IDO2: variants seen among roughly 807,000 people sequenced by gnomAD.
IDO2 encodes indoleamine 2,3-dioxygenase-like 1 protein.
IDO2 carries 46 observed loss-of-function variants against 45.1 expected under a neutral mutation model. That is an observed-to-expected ratio of 1.02 (90% confidence interval 0.80 to 1.30). The LOEUF (loss-of-function observed/expected upper bound fraction) is 1.30, where lower values mean the gene tolerates loss of function less well. IDO2 is among the 50% of genes most tolerant of loss of function. The probability of loss-of-function intolerance (pLI) is 0.00; values close to 1 mark genes in which losing one functional copy is unlikely to be tolerated. For synonymous variants in IDO2, 218 were observed against 184.9 expected, an observed-to-expected ratio of 1.18 and a Z score of -1.45; for missense variants, 544 against 491.8, an observed-to-expected ratio of 1.11 and a Z score of -1.00.
intron 9 of IDO2, among the ~76,000 whole-genome samples, chr8:40,012,810 G>A (rs777821328): frequency 2.0e-5 from 3 of 152,078 alleles, no homozygotes; most frequent in African/African-American, 7.2e-5. Context: ...GAGCATGGCC[G>A]GCAGCCCAGT....
exon 11 of IDO2, chr8:40,015,349 C>T (rs760274958): frequency 6.2e-7 from 1 of 1,610,298 alleles, no homozygotes; most frequent in Non-Finnish European, 8.5e-7. Flanking sequence ...ATCCTGTCAT[C>T]TGGACAGGAC....
At chr8:39,984,813 G>T in intron 5 of IDO2, 1 of 349,330 alleles carries the variant, frequency 2.9e-6, no homozygotes. Context: ...AAATCTTGGT[G>T]ATGAGGCAGA....
At chr8:39,969,563 T>C (rs1434898932) in intron 3 of IDO2, among the ~76,000 whole-genome samples, 1 of 152,176 alleles carries the variant, frequency 6.6e-6, no homozygotes, top group Non-Finnish European at 1.5e-5. Context: ...AGGAGTTGCA[T>C]GTCTCTCACT....
exon 1 of IDO2, chr8:39,935,125 C>A: frequency 1.6e-6 from 2 of 1,290,044 alleles, no homozygotes; most frequent in South Asian, 1.2e-5. Flanking sequence ...AGGCAATGGA[C>A]ACCTAAAGAA....
chr8:39,973,798 G>A (rs1470129535), intron 3 of IDO2, among the ~76,000 whole-genome samples: 2 of 150,370 alleles, frequency 1.3e-5, no homozygotes, highest in East Asian at 2.0e-4. Flanking sequence ...CTGGGGTGTA[G>A]TGGCACAATC....
At chr8:39,994,097 T>G (rs1801991083) in intron 8 of IDO2, among the ~76,000 whole-genome samples, 5 of 152,172 alleles carry the variant, frequency 3.3e-5, no homozygotes, top group African/African-American at 1.2e-4. Flanking sequence ...TGCATTTTAA[T>G]AAAAATATAC....
At chr8:40,013,669 A>C in exon 10 of IDO2, 1 of 1,613,744 alleles carries the variant, frequency 6.2e-7, no homozygotes, top group African/African-American at 1.3e-5. Context: ...ACAGTGCTTC[A>C]TGCCTTTGAT....
intron 2 of IDO2, among the ~76,000 whole-genome samples, chr8:39,954,891 A>C (rs1029564675): frequency 6.6e-6 from 1 of 151,590 alleles, no homozygotes; most frequent in African/African-American, 2.4e-5. Flanking sequence ...TCCTGGCCTC[A>C]AGTGATCCGC....
intron 2 of IDO2, among the ~76,000 whole-genome samples, chr8:39,963,057 C>T (rs1808023278): frequency 6.6e-6 from 1 of 152,208 alleles, no homozygotes; most frequent in Admixed American, 6.5e-5. Context: ...AGGGACCCTT[C>T]CCTATCTGCC....
intron 2 of IDO2, among the ~76,000 whole-genome samples, chr8:39,958,421 C>G (rs561383458): frequency 4.3e-4 from 63 of 147,946 alleles, no homozygotes; most frequent in Non-Finnish European, 8.3e-4. Flanking sequence ...TTTTTGGAGA[C>G]AGTCTCACTC....
At chr8:39,943,717 G>A (rs867474418) in intron 1 of IDO2, among the ~76,000 whole-genome samples, 22 of 133,192 alleles carry the variant, frequency 1.7e-4, no homozygotes, top group African/African-American at 5.7e-4. Flanking sequence ...CAGCCTGGGC[G>A]ACAGCGAGAC....
chr8:39,951,275 A>ATTTCTTTT (rs1554544716), intron 2 of IDO2, among the ~76,000 whole-genome samples: 2 of 136,030 alleles, frequency 1.5e-5, no homozygotes, highest in Non-Finnish European at 3.1e-5. Flanking sequence ...GGACCCCAAG[A>ATTTCTTTT]TTTTTTTTTT....
At chr8:39,961,103 G>A (rs1807989996) in intron 2 of IDO2, among the ~76,000 whole-genome samples, 1 of 152,080 alleles carries the variant, frequency 6.6e-6, no homozygotes, top group African/African-American at 2.4e-5. Context: ...GACTTTTATA[G>A]GGTCATTCTA....
exon 11 of IDO2, chr8:40,015,788 C>T: frequency 1.7e-6 from 1 of 581,224 alleles, no homozygotes; most frequent in South Asian, 2.2e-5. Context: ...TTGATGTGGC[C>T]AAGCCTTTCC....
intron 4 of IDO2, among the ~76,000 whole-genome samples, chr8:39,980,580 A>G (rs1808327445): frequency 6.6e-6 from 1 of 152,116 alleles, no homozygotes; most frequent in South Asian, 2.1e-4. Context: ...CCCAGAAATC[A>G]GGGAGTTACC....
At position 39,996,638 on chromosome 8, in the gene IDO2, G is replaced by A. The variant is rs79746008; in HGVS notation, c.667+6800G>A. Among the ~76,000 whole-genome samples the A allele has an allele frequency of 0.024, 3,688 of 151,808 alleles. 300 individuals are homozygous for A. In the East Asian group the frequency reaches 0.31, roughly 13 times the overall value. On this transcript the variant is annotated intron_variant, in intron 8 of 10. Coordinates refer to ENST00000502986, the Ensembl canonical transcript of IDO2. The stretch of plus-strand genomic sequence containing the variant: ...TCTACCATCTCTTGTCTCCGCACAC[G>A]AGGAGAAAAACCCACAGACCCTGTA...
intron 6 of IDO2, chr8:39,985,728 G>T (rs903536961): frequency 1.9e-6 from 1 of 522,014 alleles, no homozygotes; most frequent in Admixed American, 3.7e-5. Flanking sequence ...TATAGATAAG[G>T]GATTTTTTTT....
intron 8 of IDO2, among the ~76,000 whole-genome samples, chr8:40,002,222 C>T (rs1256872402): frequency 6.6e-6 from 1 of 152,130 alleles, no homozygotes; most frequent in South Asian, 2.1e-4. Context: ...TTCTATTTCC[C>T]TCCTATGGAT....
At chr8:39,944,756 A>AC (rs553981628) in intron 1 of IDO2, among the ~76,000 whole-genome samples, 54 of 151,520 alleles carry the variant, frequency 3.6e-4, no homozygotes, top group African/African-American at 1.2e-3. Flanking sequence ...TTTTAACTGG[A>AC]CCCCCCTCCC....
Sources: gnomAD v4.1 joint callset for allele counts (sites outside exome capture counted in the v4.1 genomes callset) on GRCh38, gnomAD v4.1.1 for gene constraint, MANE v1.5 for transcripts, NCBI Gene and HGNC (gene_info 2026-07-23, HGNC 2026-07-21) for gene names.